The following PRMT7 variants were observed in gnomAD, a reference collection of about 807,000 sequenced individuals.
PRMT7 encodes the protein protein arginine methyltransferase 7, also known as protein arginine N-methyltransferase 7.
PRMT7 carries 75 observed loss-of-function variants against 85.4 expected under a neutral mutation model. That is an observed-to-expected ratio of 0.88 (90% CI 0.73 to 1.06). The LOEUF (loss-of-function observed/expected upper bound fraction) is 1.06. PRMT7 is among the 50% of genes least tolerant of loss of function. The pLI, the probability that PRMT7 is intolerant of heterozygous loss-of-function variation, is 0.00. For synonymous variants in PRMT7, 397 were observed against 359.5 expected (o/e 1.10, Z -1.18); for missense variants, 868 against 915.2 (o/e 0.95, Z 0.67).
chr16:68,353,887 T>C (rs1428954473), intron 16 of PRMT7, among the ~76,000 whole-genome samples: 1 of 152,156 alleles, frequency 6.6e-6, no homozygotes, highest in Non-Finnish European at 1.5e-5. Context: ...ATTTCCATGG[T>C]GGGGGCTCCA....
chr16:68,339,304 T>C lies in PRMT7; in HGVS notation c.505-18T>C. The C allele has an allele frequency of 1.2e-6, 2 of 1,611,588 alleles. No individual in the cohort carries two copies. Among genetic ancestry groups the C allele is most frequent in the Non-Finnish European group, 1.7e-6 (2 of 1,178,028 alleles). On this transcript the variant is annotated intron_variant, in intron 7 of 18. Transcript: ENST00000441236. The stretch of plus-strand genomic sequence containing the variant: ...AGCATCTGATTTTTGTTTGGTTTTG[T>C]TTTTAATATAAACTTAGGAAAATTG...
intron 6 of PRMT7, among the ~76,000 whole-genome samples, chr16:68,330,725 G>C (rs1304208106): frequency 6.6e-6 from 1 of 151,974 alleles, no homozygotes; most frequent in Non-Finnish European, 1.5e-5. Context: ...CTCATGAGTA[G>C]CTGGGATTAC....
intron 5 of PRMT7, among the ~76,000 whole-genome samples, chr16:68,325,425 A>C (rs2082989520): frequency 6.6e-6 from 1 of 152,144 alleles, no homozygotes; most frequent in South Asian, 2.1e-4. Flanking sequence ...TGTAGGGGAA[A>C]GTATTTAAAT....
chr16:68,339,715 G>C, intron 8 of PRMT7, 73 bp from the exon 9 acceptor site: 1 of 1,576,588 alleles, frequency 6.3e-7, no homozygotes, highest in Admixed American at 1.7e-5. Context: ...TGCCAGTGAA[G>C]TCACTGTAAA....
intron 3 of PRMT7, 51 bp from the exon 4 acceptor site, chr16:68,321,375 T>G (rs370652109): frequency 6.9e-7 from 1 of 1,442,156 alleles, no homozygotes; most frequent in Admixed American, 1.8e-5. Flanking sequence ...GTGAATACTC[T>G]TGTGTGTTGA....
At chr16:68,347,524 T>G in intron 12 of PRMT7, 107 bp from the exon 13 acceptor site, 1 of 1,264,644 alleles carries the variant, frequency 7.9e-7, no homozygotes, top group Non-Finnish European at 1.1e-6. Flanking sequence ...CAGGGAGGGT[T>G]GTTCAGGTGT....
In PRMT7 at chr16:68,324,851, G is replaced by A. The variant is rs1052618790; in HGVS notation, c.282+19G>A. ...CATCGAGGTAAGCCATTCCCTTCAG[G>A]TGTGTGTCCTGCATCTTGCATGGGA... is the stretch of plus-strand genomic sequence containing the variant. On this transcript the variant is annotated intron_variant, in intron 5 of 18. Coordinates refer to ENST00000441236, the MANE Select transcript of PRMT7 (RefSeq NM_019023.5). 7 of 1,612,582 alleles carry A rather than the reference G, an allele frequency of 4.3e-6. No homozygotes were observed. The highest frequency in any genetic ancestry group is 5.9e-6 in the Non-Finnish European group (7 of 1,179,748).
At position 68,311,067 on chromosome 16, in the gene PRMT7, C is replaced by A. The variant is rs2043543903; in HGVS notation, c.-251C>A. 4 of 811,172 alleles carry A rather than the reference C, an allele frequency of 4.9e-6. No homozygotes were observed. The highest frequency in any genetic ancestry group is 8.2e-6 in the Non-Finnish European group (4 of 486,796). 50.2% of individuals were successfully genotyped at this position (811,172 alleles called of 1,614,324 possible). ...GTGCTGGCCGCGGTAAAAGTGGTAG[C>A]AGCGGAGGCGAGCGGAGGGTTTCCC... On this transcript the variant is annotated 5_prime_UTR_variant, in exon 1 of 19. Transcript: ENST00000441236.
At chr16:68,318,714 A>C (rs1406901837) in intron 3 of PRMT7, 4 of 151,888 alleles carry the variant, frequency 2.6e-5, no homozygotes, top group Admixed American at 2.6e-4. Context: ...TTGTGTTTTT[A>C]GTAGAGACTT....
chr16:68,341,947 GT>G (rs1344775154), intron 9 of PRMT7, among the ~76,000 whole-genome samples: 3 of 151,938 alleles, frequency 2.0e-5, no homozygotes, highest in Admixed American at 6.6e-5. Flanking sequence ...CTTTCATTCA[GT>G]TTAAGTTTAA....
chr16:68,320,638 T>C (rs935114795), intron 3 of PRMT7, among the ~76,000 whole-genome samples: 2 of 152,202 alleles, frequency 1.3e-5, no homozygotes, highest in Admixed American at 6.5e-5. Flanking sequence ...TCAACGAGCA[T>C]GTCACAGTGC....
At chr16:68,343,860 G>C (rs773093794) in intron 9 of PRMT7, among the ~76,000 whole-genome samples, 4 of 152,152 alleles carry the variant, frequency 2.6e-5, no homozygotes, top group Non-Finnish European at 4.4e-5. Flanking sequence ...AGGTGGGTGG[G>C]CACATTCCTT....
At chr16:68,324,458 GA>G (rs2082866826) in intron 4 of PRMT7, 1 of 569,140 alleles carries the variant, frequency 1.8e-6, no homozygotes, top group African/African-American at 1.9e-5. Context: ...TCACTTAGTA[GA>G]GGATAGAAGA....
intron 4 of PRMT7, among the ~76,000 whole-genome samples, chr16:68,323,091 A>T (rs1014143551): frequency 6.6e-6 from 1 of 152,170 alleles, no homozygotes; most frequent in African/African-American, 2.4e-5. Context: ...TGTATCTAAG[A>T]CATAAATGCA....
rs7192234 is a variant in PRMT7, at chr16:68,357,286, C to T, written c.*62C>T. ...TTCTGAGTGGCTCATGGCTTTCTAG[C>T]GGGGAAGGCTGAAGGCCCTCCTCTC... On this transcript the variant is annotated 3_prime_UTR_variant, in exon 19 of 19. Transcript: ENST00000441236. 44 of 1,512,200 alleles carry T rather than the reference C, an allele frequency of 2.9e-5. No individual in the cohort carries two copies. The highest frequency in any genetic ancestry group is 2.9e-5 in the Non-Finnish European group (32 of 1,121,338). The allele number at this position is 1,512,200 out of a possible 1,614,324, so 93.7% of individuals were successfully genotyped here.
At chr16:68,324,889 T>C in intron 5 of PRMT7, 57 bp downstream of exon 5, 1 of 1,592,904 alleles carries the variant, frequency 6.3e-7, no homozygotes, top group Middle Eastern at 2.2e-4. Context: ...TCCCCTATGC[T>C]CTTGCACTTT....
Position 68,357,910 on chromosome 16 carries a change from A to T in PRMT7, c.*686A>T. 6.6e-6 allele frequency: 1 copy of T among 152,192 alleles called. No individual in the cohort carries two copies. Among genetic ancestry groups the T allele is most frequent in the East Asian group, 1.9e-4 (1 of 5,188 alleles). 9.4% of individuals were successfully genotyped at this position (152,192 alleles called of 1,614,324 possible). On this transcript the variant is annotated 3_prime_UTR_variant, in exon 19 of 19. Transcript: ENST00000441236. ...GGCCCAGGAAAGTGGCTGTCAGGGG[A>T]GCTGGGAGGCAGCCCTGTTCCCTGC...
rs148768244 is a variant in PRMT7 at position 68,355,724 on chromosome 16, G to A, written c.1652G>A (p.Arg551His). 87 of 1,588,556 alleles carry A rather than the reference G, an allele frequency of 5.5e-5. No homozygotes were observed. In the African/African-American group the frequency reaches 9.0e-4, roughly 16 times the overall value. The stretch of plus-strand genomic sequence containing the variant: ...CCCCAGGCCCCCTTCTGTTCGCAGC[G>A]TGCCCTGGACTTCAGGGAGAGCAGG... ...DVHIMDDMIKRALDFRESREA... is the reference protein window; with the variant it reads ...DVHIMDDMIKHALDFRESREA... The change falls in exon 17 of 19, where the codon CGT becomes CAT. Residue 551 changes from arginine to histidine, a missense_variant and splice_region_variant. Arg to His is a conservative substitution (Grantham distance 29). Coordinates refer to ENST00000441236, the MANE Select transcript of PRMT7 (RefSeq NM_019023.5).
chr16:68,352,138 G>C lies in PRMT7; in HGVS notation c.1414-110G>C. On this transcript the variant is annotated intron_variant, in intron 14 of 18. Coordinates refer to ENST00000441236, the MANE Select transcript of PRMT7 (RefSeq NM_019023.5). ...TGAGTGAGGGAGGGAGAGGGAGGGA[G>C]TGAGGGAGTGACTTGAGTGACTGAG... 6.0e-6 allele frequency: 7 copies of C among 1,167,370 alleles called. No homozygotes were observed. The East Asian group carries it at 1.7e-4, about 29-fold the overall frequency. 72.3% of individuals were successfully genotyped at this position (1,167,370 alleles called of 1,614,324 possible). A position where few individuals can be genotyped will look rare whatever the true frequency, so the allele number is the denominator to read the frequency against.
Sources: gnomAD v4.1 joint callset for allele counts (sites outside exome capture counted in the v4.1 genomes callset) on GRCh38, gnomAD v4.1.1 for gene constraint, MANE v1.5 for transcripts, NCBI Gene and HGNC (gene_info 2026-07-23, HGNC 2026-07-21) for gene names.